Variants in DCC observed in about 807,000 individuals in gnomAD.
DCC encodes the protein DCC netrin 1 receptor.
Under a neutral mutation model 172.5 loss-of-function variants are expected in DCC, and 58 were observed. The observed-to-expected ratio is 0.34, with a 90% CI of 0.27 to 0.42. The LOEUF is 0.42. DCC is among the 10% of genes least tolerant of loss of function. The pLI is 1.00. For missense variants in DCC, 1,740 were observed against 1,791.0 expected, an observed-to-expected ratio of 0.97 and a Z score of 0.51; for synonymous variants, 709 against 644.5, an observed-to-expected ratio of 1.10 and a Z score of -1.52.
Position 53,371,352 on chromosome 18 carries a change from C to A in DCC, c.2360-14691C>A, listed in dbSNP as rs73467267. Among the ~76,000 whole-genome samples the A allele has an allele frequency of 2.1e-3, 319 of 152,090 alleles. 3 individuals are homozygous for A. The highest frequency in any genetic ancestry group is 7.4e-3 in the African/African-American group (307 of 41,536). ...GTTCATCTTGTCAGAAGTATAATCC[C>A]AGTCCACAGTTTTCAAAGAAGTGGG... is the stretch of plus-strand genomic sequence containing the variant. On this transcript the variant is annotated intron_variant, in intron 15 of 28. Transcript: ENST00000442544.
intron 25 of DCC, among the ~76,000 whole-genome samples, chr18:53,486,466 AAAAG>A (rs2045901075): frequency 6.6e-6 from 1 of 151,992 alleles, no homozygotes; most frequent in African/African-American, 2.4e-5. Flanking sequence ...GTTCATCCTT[AAAAG>A]AAAGACTAAG....
At chr18:52,756,647 A>G (rs2145140270) in intron 2 of DCC, among the ~76,000 whole-genome samples, 1 of 152,330 alleles carries the variant, frequency 6.6e-6, no homozygotes, top group Non-Finnish European at 1.5e-5. Context: ...GCATTTCTTC[A>G]TTCCTTCCCT....
At chr18:53,513,119 G>A (rs2046279978) in intron 27 of DCC, among the ~76,000 whole-genome samples, 1 of 152,240 alleles carries the variant, frequency 6.6e-6, no homozygotes, top group African/African-American at 2.4e-5. Context: ...TCTCTCAGCA[G>A]AAATCCTACA....
intron 5 of DCC, among the ~76,000 whole-genome samples, chr18:52,990,371 T>A (rs368444390): frequency 3.3e-5 from 5 of 151,376 alleles, no homozygotes; most frequent in African/African-American, 1.2e-4. Context: ...AGAAACCCCG[T>A]CTCTACTAAA....
chr18:52,905,024 G>A (rs2039860405), intron 2 of DCC, among the ~76,000 whole-genome samples: 1 of 152,066 alleles, frequency 6.6e-6, no homozygotes, highest in African/African-American at 2.4e-5. Context: ...CATATCAGGG[G>A]GTTTGAGATG....
At chr18:53,185,624 G>A (rs927684377) in intron 9 of DCC, among the ~76,000 whole-genome samples, 1 of 152,148 alleles carries the variant, frequency 6.6e-6, no homozygotes. Context: ...ACTGGCTACT[G>A]TATTGGAGAT....
At chr18:52,458,034 G>A (rs1023005515) in intron 1 of DCC, among the ~76,000 whole-genome samples, 1 of 152,196 alleles carries the variant, frequency 6.6e-6, no homozygotes, top group African/African-American at 2.4e-5. Context: ...TCAGCTACAG[G>A]CGTGGATGCG....
chr18:53,090,167 T>C (rs2042981720), intron 7 of DCC, among the ~76,000 whole-genome samples: 1 of 152,218 alleles, frequency 6.6e-6, no homozygotes, highest in African/African-American at 2.4e-5. Flanking sequence ...CTTGGTATAT[T>C]AAAATGTCTT....
At chr18:53,260,962 A>G (rs2144682132) in intron 12 of DCC, among the ~76,000 whole-genome samples, 1 of 152,244 alleles carries the variant, frequency 6.6e-6, no homozygotes, top group South Asian at 2.1e-4. Flanking sequence ...CTGCTGTGCT[A>G]GCAATGAGCA....
intron 13 of DCC, among the ~76,000 whole-genome samples, chr18:53,313,308 C>T (rs1343592305): frequency 6.6e-6 from 1 of 152,056 alleles, no homozygotes; most frequent in Non-Finnish European, 1.5e-5. Context: ...TGCAGCGGCA[C>T]GATCTCGTCT....
At position 53,139,211 on chromosome 18, in the gene DCC, G is replaced by T. The variant is rs569521020; in HGVS notation, c.1262-18145G>T. Among the ~76,000 whole-genome samples the T allele has an allele frequency of 3.8e-4, 58 of 152,264 alleles. 2 individuals are homozygous for T. In the South Asian group the frequency reaches 0.011, roughly 30 times the overall value. On this transcript the variant is annotated intron_variant, in intron 7 of 28. Coordinates refer to ENST00000442544, the MANE Select transcript of DCC (RefSeq NM_005215.4). Reference sequence around the variant, plus strand: ...AATAAACCATTACTGGCCAATGTTTGTGACTTTTTCCGGACTAAGCCACTC... The same window carrying T: ...AATAAACCATTACTGGCCAATGTTTTTGACTTTTTCCGGACTAAGCCACTC...
chr18:52,751,693 C>T (rs2036996756), intron 1 of DCC, among the ~76,000 whole-genome samples: 1 of 152,064 alleles, frequency 6.6e-6, no homozygotes, highest in African/African-American at 2.4e-5. Context: ...TCTTAGCTAC[C>T]ACACTAATAA....
intron 1 of DCC, among the ~76,000 whole-genome samples, chr18:52,493,495 G>T (rs755367362): frequency 2.0e-5 from 3 of 152,036 alleles, no homozygotes; most frequent in Non-Finnish European, 4.4e-5. Context: ...AATCGTAATA[G>T]TTTATGTTGG....
chr18:53,070,743 T>C (rs2042640760), intron 7 of DCC, among the ~76,000 whole-genome samples: 2 of 152,118 alleles, frequency 1.3e-5, no homozygotes, highest in African/African-American at 4.8e-5. Context: ...CAAAAGAAAG[T>C]AAAAGAAAAT....
At chr18:53,160,016 G>A (rs2054810123) in intron 8 of DCC, among the ~76,000 whole-genome samples, 1 of 152,076 alleles carries the variant, frequency 6.6e-6, no homozygotes, top group Non-Finnish European at 1.5e-5. Context: ...GAAGAAGGAG[G>A]ATGAGGAAGA....
chr18:53,034,700 CT>C (rs35411231), intron 5 of DCC, among the ~76,000 whole-genome samples: 42,061 of 146,934 alleles, frequency 0.29, 6,217 homozygotes, highest in African/African-American at 0.4. Context: ...TCTGCTCCAA[CT>C]TTTTTTTTTT....
intron 1 of DCC, among the ~76,000 whole-genome samples, chr18:52,711,611 T>C (rs1156363985): frequency 6.6e-6 from 1 of 152,210 alleles, no homozygotes; most frequent in Non-Finnish European, 1.5e-5. Flanking sequence ...CAGACTTAGA[T>C]GTTGGGGAAG....
At chr18:53,335,536 G>A (rs139528019) in intron 14 of DCC, among the ~76,000 whole-genome samples, 84 of 152,188 alleles carry the variant, frequency 5.5e-4, no homozygotes, top group African/African-American at 1.8e-3. Context: ...AGAATAACAC[G>A]TCTACATATA....
intron 2 of DCC, among the ~76,000 whole-genome samples, chr18:52,782,816 A>C (rs1230060531): frequency 1.3e-5 from 2 of 152,074 alleles, no homozygotes; most frequent in Non-Finnish European, 2.9e-5. Flanking sequence ...TGAATTTGAG[A>C]AGTTAAGGGG....
Sources: allele counts gnomAD v4.1 joint callset (sites outside exome capture counted in the v4.1 genomes callset), GRCh38; gene constraint gnomAD v4.1.1; transcripts MANE v1.5; gene names NCBI Gene and HGNC (gene_info 2026-07-23, HGNC 2026-07-21).